The following VPS13B variants were observed in gnomAD, a reference collection of about 807,000 sequenced individuals.
VPS13B encodes intermembrane lipid transfer protein VPS13B.
A neutral mutation model predicts 426.4 loss-of-function variants in VPS13B; 285 were observed. The observed-to-expected ratio is 0.67, with a 90% CI of 0.61 to 0.74. The LOEUF (loss-of-function observed/expected upper bound fraction) is 0.74. VPS13B is among the 30% of genes least tolerant of loss of function. The probability of loss-of-function intolerance (pLI) is 0.00; values close to 1 mark genes in which losing one functional copy is unlikely to be tolerated. For missense variants in VPS13B, 4,537 were observed against 4,782.6 expected (o/e 0.95, Z 1.51); for synonymous variants, 1,676 against 1,676.4 (o/e 1.00, Z 0.01).
At chr8:99,177,627 T>C (rs570164127) in intron 16 of VPS13B, among the ~76,000 whole-genome samples, 1 of 152,214 alleles carries the variant, frequency 6.6e-6, no homozygotes, top group African/African-American at 2.4e-5. Flanking sequence ...AATTTGATAT[T>C]TTCCACATGG....
At chr8:99,522,034 G>T (rs1003317117) in intron 30 of VPS13B, among the ~76,000 whole-genome samples, 2 of 152,032 alleles carry the variant, frequency 1.3e-5, no homozygotes, top group African/African-American at 4.8e-5. Flanking sequence ...AGAGCAGAAA[G>T]CGTCTTTAGG....
At chr8:99,545,424 C>T (rs899657617) in intron 30 of VPS13B, among the ~76,000 whole-genome samples, 1 of 152,056 alleles carries the variant, frequency 6.6e-6, no homozygotes, top group Non-Finnish European at 1.5e-5. Flanking sequence ...AATACAGTAG[C>T]CGTTAGCCAT....
intron 16 of VPS13B, among the ~76,000 whole-genome samples, chr8:99,189,898 G>A (rs1424847077): frequency 6.6e-6 from 1 of 152,022 alleles, no homozygotes; most frequent in Non-Finnish European, 1.5e-5. Flanking sequence ...AGTATGCCTT[G>A]GTGAATGTGT....
chr8:99,293,289 G>A (rs1819840197), intron 19 of VPS13B, among the ~76,000 whole-genome samples: 1 of 121,906 alleles, frequency 8.2e-6, no homozygotes, highest in Admixed American at 9.2e-5. Context: ...CAAGCAATGG[G>A]GAAAGGATTC....
At chr8:99,046,958 A>G (rs748889435) in intron 3 of VPS13B, among the ~76,000 whole-genome samples, 22 of 152,112 alleles carry the variant, frequency 1.4e-4, no homozygotes, top group Non-Finnish European at 2.9e-4. Flanking sequence ...TTTAGCATCT[A>G]TGTTCATCAG....
Position 99,823,927 on chromosome 8 carries a change from A to G in VPS13B, c.9279A>G (p.Gln3093=). The change falls in exon 51 of 62, where the codon CAA becomes CAG. Residue 3093 remains glutamine (Q), a synonymous_variant. Transcript: ENST00000357162. ...KTTIINNTPY[Q]IFYKPQLSVC... is the part of the protein sequence containing the mutation. ...CAATAATCAATAATACACCATATCA[A>G]ATATTTTATAAACCACAGCTATCTG... 6.2e-7 allele frequency: 1 copy of G among 1,613,460 alleles called. No individual in the cohort carries two copies. Among genetic ancestry groups the G allele is most frequent in the Non-Finnish European group, 8.5e-7 (1 of 1,179,874 alleles).
chr8:99,716,972 T>G (rs1832950526), intron 36 of VPS13B, among the ~76,000 whole-genome samples, 199 bp from the exon 37 acceptor site: 1 of 152,228 alleles, frequency 6.6e-6, no homozygotes, highest in South Asian at 2.1e-4. Context: ...AATATTACTT[T>G]GTTAGGAATG....
chr8:99,714,032 C>T (rs986381891), intron 36 of VPS13B, among the ~76,000 whole-genome samples: 16 of 149,308 alleles, frequency 1.1e-4, no homozygotes, highest in Admixed American at 2.0e-4. Flanking sequence ...CCAAGCTGTT[C>T]GGGAGGCTGA....
chr8:99,559,481 C>T (rs989448034), intron 31 of VPS13B, among the ~76,000 whole-genome samples: 1 of 152,160 alleles, frequency 6.6e-6, no homozygotes, highest in Non-Finnish European at 1.5e-5. Context: ...AGTCCTTGCC[C>T]ATGCCTGTGT....
intron 21 of VPS13B, among the ~76,000 whole-genome samples, chr8:99,416,975 T>C (rs1816053956): frequency 6.6e-6 from 1 of 152,218 alleles, no homozygotes. Flanking sequence ...TCTTGTAAGC[T>C]CTTCTAGGGC....
intron 19 of VPS13B, among the ~76,000 whole-genome samples, chr8:99,281,431 A>G (rs181239361): frequency 8.2e-4 from 125 of 152,352 alleles, no homozygotes; most frequent in Non-Finnish European, 1.3e-3. Context: ...TATAGTGAAC[A>G]GCCTTGGAAG....
chr8:99,740,186 C>T (rs987715774), intron 39 of VPS13B, among the ~76,000 whole-genome samples: 5 of 152,072 alleles, frequency 3.3e-5, no homozygotes, highest in Non-Finnish European at 7.4e-5. Context: ...GCACAAGCCT[C>T]GGTAGCTGAT....
intron 30 of VPS13B, among the ~76,000 whole-genome samples, chr8:99,552,023 C>T (rs1487882982): frequency 1.3e-5 from 2 of 151,900 alleles, no homozygotes; most frequent in African/African-American, 4.8e-5. Flanking sequence ...TAGACTTTCT[C>T]TCTCTATTCT....
At chr8:99,229,941 C>T (rs1816234157) in intron 17 of VPS13B, among the ~76,000 whole-genome samples, 1 of 152,226 alleles carries the variant, frequency 6.6e-6, no homozygotes, top group Non-Finnish European at 1.5e-5. Flanking sequence ...ATCTTGACTT[C>T]TGACTTATAC....
intron 39 of VPS13B, among the ~76,000 whole-genome samples, chr8:99,749,533 T>C (rs1260891519): frequency 6.6e-6 from 1 of 152,050 alleles, no homozygotes; most frequent in East Asian, 1.9e-4. Flanking sequence ...TAACGTAATG[T>C]CCTCCGGTTC....
Position 99,641,985 on chromosome 8 carries a change from CG to C in VPS13B, c.5396del (p.Arg1799ProfsTer6). 1 of 1,614,092 alleles carries C rather than the reference CG, an allele frequency of 6.2e-7. No individual in the cohort carries two copies. Among genetic ancestry groups the C allele is most frequent in the Non-Finnish European group, 8.5e-7 (1 of 1,179,998 alleles). On this transcript the variant is annotated frameshift_variant, in exon 34 of 62. Transcript: ENST00000357162. LOFTEE classifies it high-confidence loss of function. The stretch of plus-strand genomic sequence containing the variant: ...TCAGCATCGCATTGCCCGTCCCTCA[CG>C]CCAGTCATCAATTGTAAAAAATCTA... Reference protein sequence around the residue: ...ASQHRIARPSRQSSIVKNLNF... With the variant: ...ASQHRIARPSXQSSIVKNLNF...
intron 16 of VPS13B, among the ~76,000 whole-genome samples, chr8:99,192,330 AT>A (rs1813648220): frequency 6.6e-6 from 1 of 152,210 alleles, no homozygotes; most frequent in South Asian, 2.1e-4. Context: ...GAGAGAAAGT[AT>A]TAGGATAGAG....
intron 24 of VPS13B, among the ~76,000 whole-genome samples, chr8:99,480,291 C>T (rs1819967875): frequency 6.6e-6 from 1 of 152,148 alleles, no homozygotes; most frequent in African/African-American, 2.4e-5. Context: ...GCACTTTAAA[C>T]ACACAGTGTA....
chr8:99,281,667 C>T (rs1180365786), intron 19 of VPS13B, among the ~76,000 whole-genome samples: 1 of 152,176 alleles, frequency 6.6e-6, no homozygotes, highest in Non-Finnish European at 1.5e-5. Context: ...GTAATAAAGT[C>T]CTTATCTGTG....
Sources: gnomAD v4.1 joint callset for allele counts (sites outside exome capture counted in the v4.1 genomes callset) on GRCh38, gnomAD v4.1.1 for gene constraint, MANE v1.5 for transcripts, NCBI Gene and HGNC (gene_info 2026-07-23, HGNC 2026-07-21) for gene names.